The following COL12A1 variants were observed in gnomAD, a reference collection of about 807,000 sequenced individuals.
COL12A1 encodes the protein collagen alpha-1(XII) chain.
Under a neutral mutation model 349.7 loss-of-function variants are expected in COL12A1, and 114 were observed. That is an observed-to-expected ratio of 0.33 (90% CI 0.28 to 0.38). The LOEUF is 0.38. COL12A1 is among the 10% of genes least tolerant of loss of function. COL12A1 has a pLI of 1.00. For missense variants in COL12A1, 3,284 were observed against 3,756.9 expected (o/e 0.87, Z 3.29); for synonymous variants, 1,369 against 1,329.0 (o/e 1.03, Z -0.66).
chr6:75,111,922 A>C (rs569723683), intron 51 of COL12A1, among the ~76,000 whole-genome samples: 1 of 151,928 alleles, frequency 6.6e-6, no homozygotes, highest in East Asian at 1.9e-4. Flanking sequence ...AATAAGAACA[A>C]CACTCTGGAA....
At chr6:75,159,065 A>T (rs1398301562) in intron 14 of COL12A1, among the ~76,000 whole-genome samples, 1 of 152,008 alleles carries the variant, frequency 6.6e-6, no homozygotes, top group South Asian at 2.1e-4. Context: ...CTATACCAAG[A>T]CACATCATAA....
intron 8 of COL12A1, among the ~76,000 whole-genome samples, chr6:75,186,608 C>T (rs192698864): frequency 4.4e-4 from 67 of 152,214 alleles, no homozygotes; most frequent in Non-Finnish European, 7.4e-4. Flanking sequence ...CCCAGCAATC[C>T]CATTACTGGG....
chr6:75,115,351 T>C (rs1769025018), intron 49 of COL12A1, among the ~76,000 whole-genome samples: 1 of 152,120 alleles, frequency 6.6e-6, no homozygotes, highest in African/African-American at 2.4e-5. Flanking sequence ...AAAAACTACA[T>C]GCCAACTGTC....
chr6:75,115,626 A>T (rs1415964565), intron 49 of COL12A1, among the ~76,000 whole-genome samples, 158 bp downstream of exon 49: 1 of 152,184 alleles, frequency 6.6e-6, no homozygotes, highest in Non-Finnish European at 1.5e-5. Flanking sequence ...TGTAACCTGG[A>T]AACAATTAGC....
At chr6:75,112,442 C>T (rs577388806) in intron 51 of COL12A1, among the ~76,000 whole-genome samples, 119 of 151,600 alleles carry the variant, frequency 7.8e-4, no homozygotes, top group Non-Finnish European at 1.5e-3. Flanking sequence ...ATTTCTAATG[C>T]TTCTAACTTC....
rs565018715 is a variant in COL12A1, at chr6:75,136,558, C to T, written c.5394+879G>A. ...GAGAAATGACCCATTTGCTTGAGCTCGGCAAGTCAGATGATTAAAGGTTAA... is the reference window on the plus strand; with the variant it reads ...GAGAAATGACCCATTTGCTTGAGCTTGGCAAGTCAGATGATTAAAGGTTAA... On this transcript the variant is annotated intron_variant, in intron 31 of 65. Transcript: ENST00000322507. Among the ~76,000 whole-genome samples, 5 of 152,174 alleles carry T rather than the reference C, an allele frequency of 3.3e-5. No homozygotes were observed. In the South Asian group the frequency reaches 6.2e-4, roughly 19 times the overall value.
chr6:75,156,680 G>C (rs182469487), intron 14 of COL12A1, among the ~76,000 whole-genome samples, 157 bp from the exon 15 acceptor site: 34 of 152,256 alleles, frequency 2.2e-4, no homozygotes, highest in African/African-American at 8.2e-4. Flanking sequence ...ATGATGGCGT[G>C]TGAGCCTAAT....
At chr6:75,204,608 C>A (rs1441960899) in intron 1 of COL12A1, among the ~76,000 whole-genome samples, 1 of 152,136 alleles carries the variant, frequency 6.6e-6, no homozygotes, top group African/African-American at 2.4e-5. Context: ...CTGAAAGCGG[C>A]CGCCCCTACG....
intron 52 of COL12A1, among the ~76,000 whole-genome samples, chr6:75,108,771 C>A (rs1463721845): frequency 6.6e-6 from 1 of 152,220 alleles, no homozygotes; most frequent in Non-Finnish European, 1.5e-5. Flanking sequence ...TTCAAAATGA[C>A]TACATGGTGT....
At chr6:75,114,607 A>G (rs547388864) in intron 49 of COL12A1, among the ~76,000 whole-genome samples, 2 of 152,084 alleles carry the variant, frequency 1.3e-5, no homozygotes, top group African/African-American at 2.4e-5. Flanking sequence ...CTATTCCTCC[A>G]TGAATTTTGA....
At chr6:75,148,656 T>A (rs1767323960) in intron 21 of COL12A1, among the ~76,000 whole-genome samples, 159 bp from the exon 22 acceptor site, 1 of 152,200 alleles carries the variant, frequency 6.6e-6, no homozygotes, top group Admixed American at 6.5e-5. Flanking sequence ...TAGAGGCTCA[T>A]CACCTGTAAG....
At chr6:75,144,398 G>C (rs1767071253) in intron 25 of COL12A1, among the ~76,000 whole-genome samples, 1 of 152,180 alleles carries the variant, frequency 6.6e-6, no homozygotes, top group African/African-American at 2.4e-5. Flanking sequence ...AACCCATCCT[G>C]TAGGGGATCT....
Position 75,113,264 on chromosome 6 carries a change from C to T in COL12A1, c.7890G>A (p.Val2630=). ...CTTCTGTGTCAAATGTAACAGTTTG[C>T]ACCTCGCCTCTTGTATCCTTGTTAA... ...SFFNKDTRGE[V]QTVTFDTEEV... Residue 2630 remains valine, a synonymous_variant, in exon 51 of 66, where the codon GTG becomes GTA. Transcript: ENST00000322507. The T allele has an allele frequency of 1.3e-6, 2 of 1,563,334 alleles. No homozygotes were observed. Among genetic ancestry groups the T allele is most frequent in the Admixed American group, 1.9e-5 (1 of 53,422 alleles).
At chr6:75,130,804 C>A (rs924818689) in intron 36 of COL12A1, 48 bp downstream of exon 36, 1 of 1,607,608 alleles carries the variant, frequency 6.2e-7, no homozygotes, top group Non-Finnish European at 8.5e-7. Context: ...AGAAGCCCTG[C>A]CAATCTAGCT....
At chr6:75,136,577 A>G (rs1321905541) in intron 31 of COL12A1, among the ~76,000 whole-genome samples, 1 of 152,228 alleles carries the variant, frequency 6.6e-6, no homozygotes, top group East Asian at 1.9e-4. Context: ...AGATGATTAA[A>G]GGTTAATAAC....
chr6:75,195,963 A>G (rs886936975), intron 2 of COL12A1, among the ~76,000 whole-genome samples: 2 of 152,222 alleles, frequency 1.3e-5, no homozygotes, highest in African/African-American at 4.8e-5. Context: ...AAAAGTACAG[A>G]AATAGTTTAC....
In COL12A1 at chr6:75,173,586, G is replaced by C. The variant is rs535164760; in HGVS notation, c.2710+1452C>G. On this transcript the variant is annotated intron_variant, in intron 13 of 65. Coordinates refer to ENST00000322507, the MANE Select transcript of COL12A1 (RefSeq NM_004370.6). ...GACAGGGTTTTACCATGTTGGCCAGGCTGATCTCGAATTCCTGACCTCAGG... is the reference window on the plus strand; with the variant it reads ...GACAGGGTTTTACCATGTTGGCCAGCCTGATCTCGAATTCCTGACCTCAGG... Among the ~76,000 whole-genome samples, 5 of 152,244 alleles carry C rather than the reference G, an allele frequency of 3.3e-5. No individual in the cohort carries two copies. The East Asian group carries it at 7.7e-4, about 24-fold the overall frequency.
chr6:75,141,445 A>C (rs1354502429), intron 27 of COL12A1, among the ~76,000 whole-genome samples: 1 of 152,206 alleles, frequency 6.6e-6, no homozygotes, highest in Non-Finnish European at 1.5e-5. Flanking sequence ...AGCAGGAAGC[A>C]GGGTCTGGGC....
intron 56 of COL12A1, 37 bp from the exon 57 acceptor site, chr6:75,102,089 TCA>T: frequency 6.2e-7 from 1 of 1,602,130 alleles, no homozygotes. Flanking sequence ...CTCAGGCGTT[TCA>T]CAGAGATTAA....
Sources: gnomAD v4.1 joint callset for allele counts (sites outside exome capture counted in the v4.1 genomes callset) on GRCh38, gnomAD v4.1.1 for gene constraint, MANE v1.5 for transcripts, NCBI Gene and HGNC (gene_info 2026-07-23, HGNC 2026-07-21) for gene names.